Variants in INTS11 observed in about 807,000 individuals in gnomAD.
INTS11 encodes the protein integrator complex subunit 11, also known as CPSF3-like protein.
In INTS11, 77 loss-of-function variants were observed where a neutral mutation model predicts 78.6. That is an observed-to-expected ratio of 0.98 (90% CI 0.81 to 1.18). The LOEUF (loss-of-function observed/expected upper bound fraction) is 1.18, where lower values mean the gene tolerates loss of function less well. Ranked by LOEUF, INTS11 falls within the 50% of genes most tolerant of loss-of-function variation. The pLI is 0.00. For missense variants in INTS11, 875 were observed against 825.9 expected (o/e 1.06, Z -0.73); for synonymous variants, 441 against 326.9 (o/e 1.35, Z -3.77).
At chr1:1,324,123 C>G (rs1181262231) in intron 1 of INTS11, among the ~76,000 whole-genome samples, 10 of 440 alleles carry the variant, frequency 0.023, no homozygotes, top group East Asian at 0.05. Context: ...TGAGGGTCTG[C>G]GGGGCTGAGG....
Position 1,312,213 on chromosome 1 carries a change from G to GGGGGGGCCCCCCCCCCCCCCCCCCCCCC in INTS11, c.1607+12_1607+13insGGGGGGGGGGGGGGGGGGGGGGCCCCCC. 1.1e-6 allele frequency: 1 copy of GGGGGGGCCCCCCCCCCCCCCCCCCCCCC among 934,620 alleles called. No individual in the cohort carries two copies. Among genetic ancestry groups the GGGGGGGCCCCCCCCCCCCCCCCCCCCCC allele is most frequent in the Non-Finnish European group, 1.6e-6 (1 of 636,668 alleles). 57.9% of individuals were successfully genotyped at this position (934,620 alleles called of 1,614,324 possible). On this transcript the variant is annotated intron_variant, in intron 15 of 16. Coordinates refer to ENST00000435064, the MANE Select transcript of INTS11 (RefSeq NM_017871.6). The stretch of plus-strand genomic sequence containing the variant: ...CCCAAGGGAGTGGGGGGGGGGCGGG[G>GGGGGGGCCCCCCCCCCCCCCCCCCCCCC]CCGGGCGCCCACCTCTTGAGGTGGC...
rs140248853 is a variant in INTS11, at chr1:1,313,579, G to A, written c.971C>T (p.Thr324Met). Residue 324 changes from threonine (T) to methionine (M), a missense_variant, in exon 10 of 17, where the codon ACG (threonine) becomes ATG (methionine). Thr to Met is a moderately conservative substitution (Grantham distance 81). Coordinates refer to ENST00000435064, the MANE Select transcript of INTS11 (RefSeq NM_017871.6). ...CTGCCCAGCGTGCAGCATTCCTGGC[G>A]TGGCAAACACAACCTACAGGACACA... ...DNPGPMVVFATPGMLHAGQSL... is the reference protein window; with the variant it reads ...DNPGPMVVFAMPGMLHAGQSL... The A allele has an allele frequency of 3.1e-6, 5 of 1,612,838 alleles. No homozygotes were observed. The highest frequency in any genetic ancestry group is 1.1e-5 in the South Asian group (1 of 91,096).
Position 1,319,339 on chromosome 1 carries a change from C to A in INTS11, c.386G>T (p.Cys129Phe). Residue 129 changes from cysteine to phenylalanine, a missense_variant, in exon 4 of 17, where the codon TGC becomes TTC. Cys to Phe is a radical substitution (Grantham distance 205). Transcript: ENST00000435064. ...NFFTSQMIKDCMKKVVAVHLH... is the reference protein window; with the variant it reads ...NFFTSQMIKDFMKKVVAVHLH... The stretch of plus-strand genomic sequence containing the variant: ...GTGGACAGCCACCACCTTCTTCATG[C>A]AGTCTTTGATCATCTGGGAGGTGAA... 2 of 1,613,340 alleles carry A rather than the reference C, an allele frequency of 1.2e-6. No homozygotes were observed. Among genetic ancestry groups the A allele is most frequent in the Non-Finnish European group, 1.7e-6 (2 of 1,180,012 alleles).
In INTS11 at chr1:1,314,933, T is replaced by C. The variant is rs758447433; in HGVS notation, c.593A>G (p.Asn198Ser). The change falls in exon 7 of 17, where the codon AAC (asparagine) becomes AGC (serine). Residue 198 changes from asparagine (N) to serine (S), a missense_variant. Coordinates refer to ENST00000435064, the MANE Select transcript of INTS11 (RefSeq NM_017871.6). This position sits in a 1 kb window ranked among gnomAD's most constrained non-coding sequence, Gnocchi z 4.2. ...GAAWIDKCRP[N>S]LLITESTYAT... ...GTACGTGGACTCTGTGATGAGCAGG[T>C]TGGGGCGGCACTTGTCAATCCAGGC... is the stretch of plus-strand genomic sequence containing the variant. 1.9e-6 allele frequency: 3 copies of C among 1,612,768 alleles called. No homozygotes were observed. Among genetic ancestry groups the C allele is most frequent in the East Asian group, 2.2e-5 (1 of 44,864 alleles).
Position 1,311,756 on chromosome 1 carries a change from C to T in INTS11, c.*103G>A. 8.3e-7 allele frequency: 1 copy of T among 1,203,982 alleles called. No individual in the cohort carries two copies. The highest frequency in any genetic ancestry group is 1.4e-5 in the South Asian group (1 of 69,664). The allele number at this position is 1,203,982 out of a possible 1,614,324, so 74.6% of individuals were successfully genotyped here. A position where few individuals can be genotyped will look rare whatever the true frequency, so the allele number is the denominator to read the frequency against. On this transcript the variant is annotated 3_prime_UTR_variant, in exon 17 of 17. Coordinates refer to ENST00000435064, the MANE Select transcript of INTS11 (RefSeq NM_017871.6). ...AGGCCTCTGTCCCCAGGGATGGGACCTGCAGGGTCTGTTCACCCAGGGCAC... is the reference window on the plus strand; with the variant it reads ...AGGCCTCTGTCCCCAGGGATGGGACTTGCAGGGTCTGTTCACCCAGGGCAC...
chr1:1,319,614 C>A, intron 3 of INTS11, 90 bp from the exon 4 acceptor site: 1 of 861,490 alleles, frequency 1.2e-6, no homozygotes, highest in South Asian at 1.7e-5. Context: ...CCCCTTCATT[C>A]GCCTGCTGTG....
rs959930864 is a variant in INTS11 at position 1,314,534 on chromosome 1, G to C, written c.703-169C>G. ...CGCTCTCCAGAGACAGAAGGGAGCC[G>C]TATGAGAGACAGGAGGGAGCCGCAT... On this transcript the variant is annotated intron_variant, in intron 7 of 16. Coordinates refer to ENST00000435064, the MANE Select transcript of INTS11 (RefSeq NM_017871.6). This position sits in a 1 kb window ranked among gnomAD's most constrained non-coding sequence, Gnocchi z 4.2. 35 of 661,752 alleles carry C rather than the reference G, an allele frequency of 5.3e-5. No homozygotes were observed. The highest frequency in any genetic ancestry group is 3.3e-4 in the East Asian group (12 of 36,336). The allele number at this position is 661,752 out of a possible 1,614,324, so 41.0% of individuals were successfully genotyped here. A position where few individuals can be genotyped will look rare whatever the true frequency, so the allele number is the denominator to read the frequency against.
chr1:1,320,074 G>A (rs193176022), intron 3 of INTS11: 49 of 236,352 alleles, frequency 2.1e-4, no homozygotes, highest in Admixed American at 9.3e-4. Context: ...TGCTGTGGCC[G>A]TCCAGACGAG....
At chr1:1,318,789 T>G in intron 4 of INTS11, 1 of 555,354 alleles carries the variant, frequency 1.8e-6, no homozygotes, top group Non-Finnish European at 3.3e-6. Context: ...ACCCAGAGAT[T>G]CGAGTGAGAC....
Position 1,311,716 on chromosome 1 carries a change from C to G in INTS11, c.*143G>C. 1.2e-6 allele frequency: 1 copy of G among 847,408 alleles called. No homozygotes were observed. Among genetic ancestry groups the G allele is most frequent in the Non-Finnish European group, 1.9e-6 (1 of 527,272 alleles). 52.5% of individuals were successfully genotyped at this position (847,408 alleles called of 1,614,324 possible). On this transcript the variant is annotated 3_prime_UTR_variant, in exon 17 of 17. Transcript: ENST00000435064. ...CTTCAGCTGCAAACAGCTGCCTGGG[C>G]AGGCAGGTGACACAAGGCCTCTGTC...
At chr1:1,323,860 C>A (rs1643117917) in intron 1 of INTS11, among the ~76,000 whole-genome samples, 1 of 71,956 alleles carries the variant, frequency 1.4e-5, no homozygotes, top group Non-Finnish European at 2.6e-5. Context: ...CGTGAGGAGG[C>A]AGAAGCGGGG....
rs1642435962 is a variant in INTS11, at chr1:1,314,270, C to G, written c.767+31G>C. 1 of 1,562,948 alleles carries G rather than the reference C, an allele frequency of 6.4e-7. No homozygotes were observed. On this transcript the variant is annotated intron_variant, in intron 8 of 16. Coordinates refer to ENST00000435064, the MANE Select transcript of INTS11 (RefSeq NM_017871.6). This position sits in a 1 kb window ranked among gnomAD's most constrained non-coding sequence, Gnocchi z 4.2. Reference sequence around the variant, plus strand: ...GACTGTGTTCAGGCCGGGCCAGGGGCTCCTTAAAGAGCCGTCCTGGCGGCA... The same window carrying G: ...GACTGTGTTCAGGCCGGGCCAGGGGGTCCTTAAAGAGCCGTCCTGGCGGCA...
rs1414488356 is a variant in INTS11, at chr1:1,314,849, T to G, written c.677A>C (p.His226Pro). The change falls in exon 7 of 17, where the codon CAC becomes CCC. Residue 226 changes from histidine to proline, a missense_variant. Coordinates refer to ENST00000435064, the MANE Select transcript of INTS11 (RefSeq NM_017871.6). This position sits in a 1 kb window ranked among gnomAD's most constrained non-coding sequence, Gnocchi z 4.2. ...CTTCCCACCACGCTCCACGGTCTCG[T>G]GGACTTTCTTCAGGAAGTCTCGCTC... ...CRERDFLKKV[H>P]ETVERGGKVL... The G allele has an allele frequency of 6.2e-7, 1 of 1,612,758 alleles. No individual in the cohort carries two copies. The highest frequency in any genetic ancestry group is 1.7e-5 in the Admixed American group (1 of 60,018).
At chr1:1,318,092 G>A (rs756909238) in intron 4 of INTS11, among the ~76,000 whole-genome samples, 6 of 152,012 alleles carry the variant, frequency 3.9e-5, no homozygotes, top group African/African-American at 1.4e-4. Context: ...GGATGGTCTC[G>A]ATCTCCTGAC....
intron 4 of INTS11, chr1:1,319,036 G>A (rs772951201): frequency 9.1e-5 from 65 of 716,822 alleles, no homozygotes; most frequent in Admixed American, 3.8e-4. Flanking sequence ...AATGCCGCTC[G>A]GACAGAGCCT....
chr1:1,315,645 C>T (rs779586958), intron 4 of INTS11, 27 bp from the exon 5 acceptor site: 60 of 1,524,100 alleles, frequency 3.9e-5, no homozygotes, highest in Non-Finnish European at 5.3e-5. Flanking sequence ...TGCGCTCAGG[C>T]TGTGTCCTCA....
At chr1:1,321,914 CTGCCAG>C in intron 1 of INTS11, 1 of 1,356,698 alleles carries the variant, frequency 7.4e-7, no homozygotes. Flanking sequence ...CCACCTCCCC[CTGCCAG>C]CCACTCGAAG....
Position 1,313,752 on chromosome 1 carries a change from C to G in INTS11, c.937G>C (p.Ala313Pro). The G allele has an allele frequency of 1.2e-6, 2 of 1,613,088 alleles. No homozygotes were observed. The highest frequency in any genetic ancestry group is 1.1e-5 in the South Asian group (1 of 91,090). The stretch of plus-strand genomic sequence containing the variant: ...CTCACCATCGGTCCTGGGTTGTCAG[C>G]AAAAGCCCGGTCGAAGGCCTTGATG... ...KHIKAFDRAFADNPGPMVVFA... is the reference protein window; with the variant it reads ...KHIKAFDRAFPDNPGPMVVFA... Residue 313 changes from alanine to proline, a missense_variant, in exon 9 of 17, where the codon GCT (alanine) becomes CCT (proline). Transcript: ENST00000435064.
At position 1,324,586 on chromosome 1, in the gene INTS11, G is replaced by A. The variant is rs781707807; in HGVS notation, c.23C>T (p.Pro8Leu). 5 of 1,595,668 alleles carry A rather than the reference G, an allele frequency of 3.1e-6. No individual in the cohort carries two copies. Among genetic ancestry groups the A allele is most frequent in the South Asian group, 1.1e-5 (1 of 88,978 alleles). MPEIRVT[P>L]LGAGQDVGRS... ...TCCCGGCGGCTCCCACTCACCCAAG[G>A]GCGTGACTCTGATCTCAGGCATCGT... is the stretch of plus-strand genomic sequence containing the variant. Residue 8 changes from proline to leucine, a missense_variant, in exon 1 of 17, where the codon CCC becomes CTC. Pro to Leu is a moderately conservative substitution (Grantham distance 98). Transcript: ENST00000435064.
Sources: gnomAD v4.1 joint callset for allele counts (sites outside exome capture counted in the v4.1 genomes callset) on GRCh38, gnomAD v4.1.1 for gene constraint, Gnocchi (gnomAD v3.1) non-coding constraint, MANE v1.5 for transcripts, NCBI Gene and HGNC (gene_info 2026-07-23, HGNC 2026-07-21) for gene names.